C5orf58: variants seen among roughly 807,000 people sequenced by gnomAD.
The protein encoded by C5orf58 is chromosome 5 open reading frame 58.
C5orf58 carries 2 observed loss-of-function variants against 2.9 expected under a neutral mutation model. The ratio of observed to expected loss-of-function variants is 0.69; its 90% CI spans 0.28 to 2.18. The LOEUF (loss-of-function observed/expected upper bound fraction) is 2.18. Among genes scored for constraint, C5orf58 ranks in the 30% most tolerant of loss-of-function variants. C5orf58 has a pLI of 0.13. For synonymous variants in C5orf58, 37 were observed against 33.4 expected (o/e 1.11, Z -0.37); for missense variants, 96 against 91.7 (o/e 1.05, Z -0.19).
In C5orf58 at chr5:170,234,182, C is replaced by T. The variant is rs1178223042; in HGVS notation, c.-17C>T. ...CTCCCTGCTCAGGAAAAGGTAGAGG[C>T]AAGGATTGACTTAAAGGTTAGTTTG... On this transcript the variant is annotated 5_prime_UTR_variant, in exon 2 of 4. Coordinates refer to ENST00000593851, the MANE Select transcript of C5orf58 (RefSeq NM_001102609.3). 1 of 1,367,214 alleles carries T rather than the reference C, an allele frequency of 7.3e-7. No individual in the cohort carries two copies. Among genetic ancestry groups the T allele is most frequent in the Non-Finnish European group, 9.8e-7 (1 of 1,021,448 alleles). The allele number at this position is 1,367,214 out of a possible 1,614,324, so 84.7% of individuals were successfully genotyped here. A position where few individuals can be genotyped will look rare whatever the true frequency, so the allele number is the denominator to read the frequency against.
downstream of C5orf58, chr5:170,246,271 G>A: frequency 1.6e-6 from 1 of 616,250 alleles, no homozygotes; most frequent in Non-Finnish European, 2.6e-6. Context: ...TTGAAGAATG[G>A]CTTAACTTAC....
At chr5:170,251,565 C>T (rs1200353277) in intron 2 of C5orf58, 2 of 448,236 alleles carry the variant, frequency 4.5e-6, no homozygotes, top group Non-Finnish European at 9.0e-6. Flanking sequence ...TAAACTACTC[C>T]CTTCTCCTCA....
Position 170,246,009 on chromosome 5 carries a change from C to G in C5orf58, c.142C>G (p.Pro48Ala). The change falls in exon 4 of 4, where the codon CCC (proline) becomes GCC (alanine). Residue 48 changes from proline to alanine, a missense_variant. Physicochemically the swap from Pro to Ala is conservative, Grantham distance 27. Transcript: ENST00000593851. ...TGACCTTATCCTACATTTTAATCAT[C>G]CCATCAAGACTGAGAACTTAGCAGA... is the stretch of plus-strand genomic sequence containing the variant. ...LCDLILHFNH[P>A]IKTENLAEAE... 1 of 1,613,626 alleles carries G rather than the reference C, an allele frequency of 6.2e-7. No individual in the cohort carries two copies. The highest frequency in any genetic ancestry group is 1.3e-5 in the African/African-American group (1 of 75,034).
intron 1 of C5orf58, chr5:170,233,514 C>T (rs902521782): frequency 1.3e-5 from 2 of 153,296 alleles, no homozygotes; most frequent in Non-Finnish European, 2.9e-5. Context: ...AGAGTAGAAC[C>T]TGCGGTGCTA....
intron 1 of C5orf58, 102 bp from the exon 2 acceptor site, chr5:170,234,013 C>T (rs376850509): frequency 1.0e-4 from 54 of 524,916 alleles, no homozygotes; most frequent in African/African-American, 9.0e-4. Flanking sequence ...CAACTTGACT[C>T]TTGGTTTGGC....
At chr5:170,249,378 A>ATATATATC (rs143444609), downstream of C5orf58, among the ~76,000 whole-genome samples, 1 of 128,096 alleles carries the variant, frequency 7.8e-6, no homozygotes, top group South Asian at 2.6e-4. Context: ...ATATATATAT[A>ATATATATC]TATCTACATA....
chr5:170,235,269 T>C (rs566104365), intron 3 of C5orf58, among the ~76,000 whole-genome samples, 199 bp downstream of exon 3: 1 of 152,322 alleles, frequency 6.6e-6, no homozygotes, highest in African/African-American at 2.4e-5. Flanking sequence ...CAGACCTGAA[T>C]TCCCATCCCT....
intron 3 of C5orf58, among the ~76,000 whole-genome samples, chr5:170,241,252 G>C (rs1028176925): frequency 6.6e-6 from 1 of 152,076 alleles, no homozygotes; most frequent in Non-Finnish European, 1.5e-5. Flanking sequence ...TTGCCTTGGT[G>C]ATGCGGGCTC....
intron 3 of C5orf58, among the ~76,000 whole-genome samples, chr5:170,237,543 GAA>G (rs1409896164): frequency 6.6e-6 from 1 of 152,152 alleles, no homozygotes; most frequent in East Asian, 1.9e-4. Flanking sequence ...GGCAAATGGA[GAA>G]GCAAATAGAC....
exon 3 of C5orf58, chr5:170,251,956 G>C (rs543072576): frequency 4.0e-6 from 1 of 247,406 alleles, no homozygotes; most frequent in Non-Finnish European, 8.5e-6. Flanking sequence ...CACTGGCTAC[G>C]GGAAATATGT....
intron 1 of C5orf58, 200 bp from the exon 2 acceptor site, chr5:170,233,915 T>TG (rs1273723741): frequency 1.1e-5 from 4 of 363,356 alleles, no homozygotes; most frequent in South Asian, 8.6e-5. Flanking sequence ...TCTACTTTAC[T>TG]ATTTTTAAAA....
chr5:170,236,917 G>A (rs1287417017), intron 3 of C5orf58, among the ~76,000 whole-genome samples: 1 of 152,094 alleles, frequency 6.6e-6, no homozygotes, highest in Non-Finnish European at 1.5e-5. Context: ...CTGCTCAACT[G>A]TAAGCTCCTT....
chr5:170,248,845 A>G, downstream of C5orf58: 1 of 1,609,266 alleles, frequency 6.2e-7, no homozygotes, highest in Non-Finnish European at 8.5e-7. Flanking sequence ...TAGGGAGATG[A>G]GTCAACATTG....
downstream of C5orf58, chr5:170,248,810 A>G (rs1400034331): frequency 3.7e-6 from 6 of 1,612,424 alleles, no homozygotes; most frequent in Non-Finnish European, 5.1e-6. Flanking sequence ...TCTGACACAG[A>G]CAGAAAGTCC....
At chr5:170,233,577 C>G (rs545525424) in intron 1 of C5orf58, 2 of 154,986 alleles carry the variant, frequency 1.3e-5, no homozygotes, top group South Asian at 4.0e-4. Context: ...TCCTGTGGCC[C>G]GGAGATGGCG....
At position 170,234,143 on chromosome 5, in the gene C5orf58, A is replaced by C; in HGVS notation, c.-56A>C. The C allele has an allele frequency of 2.2e-6, 3 of 1,367,602 alleles. No homozygotes were observed. Among genetic ancestry groups the C allele is most frequent in the South Asian group, 1.1e-5 (1 of 88,048 alleles). The allele number at this position is 1,367,602 out of a possible 1,614,324, so 84.7% of individuals were successfully genotyped here. On this transcript the variant is annotated 5_prime_UTR_variant, in exon 2 of 4. Coordinates refer to ENST00000593851, the MANE Select transcript of C5orf58 (RefSeq NM_001102609.3). Reference sequence around the variant, plus strand: ...TTTTACAGTGGCTCTGAAATGAGAGAAATTGCAGAAATTCTCCCTGCTCAG... The same window carrying C: ...TTTTACAGTGGCTCTGAAATGAGAGCAATTGCAGAAATTCTCCCTGCTCAG...
At position 170,240,602 on chromosome 5, in the gene C5orf58, G is replaced by A. The variant is rs1383772958; in HGVS notation, c.95-5360G>A. The stretch of plus-strand genomic sequence containing the variant: ...TGAGAAGTGTCTGTTCATGTCCTTC[G>A]CCCACTTTTTGATGGGGTTGTTTGT... On this transcript the variant is annotated intron_variant, in intron 3 of 3. Coordinates refer to ENST00000593851, the MANE Select transcript of C5orf58 (RefSeq NM_001102609.3). Among the ~76,000 whole-genome samples the A allele has an allele frequency of 2.7e-3, 405 of 151,744 alleles. 3 individuals carry two copies. The highest frequency in any genetic ancestry group is 9.0e-3 in the African/African-American group (371 of 41,380).
chr5:170,247,783 A>AT (rs1477937847), downstream of C5orf58: 1 of 152,198 alleles, frequency 6.6e-6, no homozygotes, highest in Non-Finnish European at 1.5e-5. Flanking sequence ...CATTTAATCT[A>AT]AAGTGTTGCT....
exon 3 of C5orf58, chr5:170,251,811 G>A (rs1761450939): frequency 6.1e-6 from 2 of 327,474 alleles, no homozygotes; most frequent in South Asian, 2.3e-5. Context: ...CCAGGAATCG[G>A]GATTTTTCAA....
Sources: gnomAD v4.1 joint callset for allele counts (sites outside exome capture counted in the v4.1 genomes callset) on GRCh38, gnomAD v4.1.1 for gene constraint, MANE v1.5 for transcripts, NCBI Gene and HGNC (gene_info 2026-07-23, HGNC 2026-07-21) for gene names.